DCLK1: variants seen among roughly 807,000 people sequenced by gnomAD.
DCLK1 encodes serine/threonine-protein kinase DCLK1.
A neutral mutation model predicts 86.2 loss-of-function variants in DCLK1; 16 were observed. That is an observed-to-expected ratio of 0.19 (90% CI 0.13 to 0.28). The LOEUF is 0.28. DCLK1 is among the 10% of genes least tolerant of loss of function. DCLK1 has a pLI of 1.00. For synonymous variants in DCLK1, 369 were observed against 370.5 expected, an observed-to-expected ratio of 1.00 and a Z score of 0.05; for missense variants, 590 against 940.2, an observed-to-expected ratio of 0.63 and a Z score of 4.87.
chr13:35,988,088 C>T (rs1455493192), intron 3 of DCLK1, among the ~76,000 whole-genome samples: 3 of 152,218 alleles, frequency 2.0e-5, no homozygotes, highest in African/African-American at 4.8e-5. Flanking sequence ...TTCCCCAGCA[C>T]CTCCCAGTCC....
At chr13:35,958,210 C>CCACCAT (rs1566620863) in intron 3 of DCLK1, among the ~76,000 whole-genome samples, 2 of 134,920 alleles carry the variant, frequency 1.5e-5, no homozygotes, top group African/African-American at 5.7e-5. Flanking sequence ...ACCATTATAA[C>CCACCAT]CATCACCACC....
At chr13:36,080,228 G>A (rs1441681590) in intron 3 of DCLK1, among the ~76,000 whole-genome samples, 1 of 152,170 alleles carries the variant, frequency 6.6e-6, no homozygotes, top group Non-Finnish European at 1.5e-5. Context: ...GGCCTAGCTT[G>A]TGCGGATAAC....
At chr13:35,943,764 C>T (rs1015834033) in intron 4 of DCLK1, among the ~76,000 whole-genome samples, 4 of 152,132 alleles carry the variant, frequency 2.6e-5, no homozygotes, top group African/African-American at 9.7e-5. Flanking sequence ...GATCCTTTCT[C>T]AACAAAACCC....
At chr13:36,003,199 A>G (rs1361928901) in intron 3 of DCLK1, among the ~76,000 whole-genome samples, 1 of 152,230 alleles carries the variant, frequency 6.6e-6, no homozygotes, top group East Asian at 1.9e-4. Context: ...CAGGCTCAGA[A>G]TGTTTCTGGG....
At chr13:35,996,132 T>C (rs181545806) in intron 3 of DCLK1, among the ~76,000 whole-genome samples, 2 of 152,304 alleles carry the variant, frequency 1.3e-5, no homozygotes, top group Admixed American at 1.3e-4. Flanking sequence ...CTTCACCATG[T>C]TGGTCATGCT....
intron 3 of DCLK1, among the ~76,000 whole-genome samples, chr13:36,048,979 T>C (rs1883030434): frequency 6.6e-6 from 1 of 152,178 alleles, no homozygotes; most frequent in African/African-American, 2.4e-5. Flanking sequence ...GTTTCACATG[T>C]AATTTCCTAC....
intron 3 of DCLK1, among the ~76,000 whole-genome samples, chr13:36,053,844 C>T (rs1883207377): frequency 6.6e-6 from 1 of 151,940 alleles, no homozygotes; most frequent in African/African-American, 2.4e-5. Context: ...AAGATGAGAT[C>T]TGGTGTTACC....
At position 35,918,892 on chromosome 13, in the gene DCLK1, G is replaced by GTTTTTTTTTTGTTTTT. The variant is rs1875604108; in HGVS notation, c.823+28465_823+28466insAAAAACAAAAAAAAAA. 5.2e-5 allele frequency among the ~76,000 whole-genome samples: 4 copies of GTTTTTTTTTTGTTTTT among 76,310 alleles called. 1 individual carries two copies. Among genetic ancestry groups the GTTTTTTTTTTGTTTTT allele is most frequent in the Non-Finnish European group, 9.8e-5 (4 of 40,718 alleles). The allele number at this position is 76,310 out of a possible 152,430, so 50.1% of individuals were successfully genotyped here. A position where few individuals can be genotyped will look rare whatever the true frequency, so the allele number is the denominator to read the frequency against. On this transcript the variant is annotated intron_variant, in intron 4 of 16. Coordinates refer to ENST00000360631, the MANE Select transcript of DCLK1 (RefSeq NM_001330071.2). ...AAAAAGAAATCTTCCTTCTGAGTGT[G>GTTTTTTTTTTGTTTTT]TTTTTTTTTTTTTTTTTGGAAACGG...
At chr13:35,838,995 T>C in intron 7 of DCLK1, 97 bp downstream of exon 7, 2 of 1,142,128 alleles carry the variant, frequency 1.8e-6, no homozygotes, top group Non-Finnish European at 2.5e-6. Flanking sequence ...TGCTCAGCCT[T>C]GTCCATGTCA....
At chr13:36,106,062 C>G (rs1885384525) in intron 3 of DCLK1, among the ~76,000 whole-genome samples, 1 of 152,188 alleles carries the variant, frequency 6.6e-6, no homozygotes, top group Admixed American at 6.5e-5. Flanking sequence ...CAGTGGAACA[C>G]TAAGAGAACT....
intron 3 of DCLK1, among the ~76,000 whole-genome samples, chr13:35,954,916 A>C (rs1410570954): frequency 6.6e-6 from 1 of 152,180 alleles, no homozygotes; most frequent in Non-Finnish European, 1.5e-5. Context: ...CTGATGCTTA[A>C]AGAAATAGAA....
intron 4 of DCLK1, among the ~76,000 whole-genome samples, chr13:35,894,716 G>C (rs181804586): frequency 3.9e-5 from 6 of 152,162 alleles, no homozygotes; most frequent in African/African-American, 1.4e-4. Flanking sequence ...TCCTTGTTGA[G>C]AGTCTTCTTC....
Position 36,131,378 on chromosome 13 carries a change from G to T in DCLK1, c.-284C>A. On this transcript the variant is annotated 5_prime_UTR_variant, in exon 1 of 17. Transcript: ENST00000360631. Reference sequence around the variant, plus strand: ...CAGCCTCTCTCTCCAGAGGAGGGCGGCGGCGGCGGCGGCGGCGGGCGCGCT... The same window carrying T: ...CAGCCTCTCTCTCCAGAGGAGGGCGTCGGCGGCGGCGGCGGCGGGCGCGCT... 1 of 194,092 alleles carries T rather than the reference G, an allele frequency of 5.2e-6. No homozygotes were observed. The highest frequency in any genetic ancestry group is 1.0e-5 in the Non-Finnish European group (1 of 97,932). 12.0% of individuals were successfully genotyped at this position (194,092 alleles called of 1,614,324 possible).
chr13:36,013,427 TGTTA>T (rs1307899129), intron 3 of DCLK1, among the ~76,000 whole-genome samples: 4 of 152,146 alleles, frequency 2.6e-5, no homozygotes, highest in Non-Finnish European at 5.9e-5. Flanking sequence ...CCTTTCTGTT[TGTTA>T]GTTTTCCTTC....
At chr13:35,864,798 G>A (rs922531632) in intron 5 of DCLK1, among the ~76,000 whole-genome samples, 2 of 151,730 alleles carry the variant, frequency 1.3e-5, no homozygotes, top group Non-Finnish European at 2.9e-5. Context: ...GACCACAGGT[G>A]TGCACCATTA....
intron 3 of DCLK1, among the ~76,000 whole-genome samples, chr13:36,014,840 CAT>C (rs577398731): frequency 3.9e-5 from 6 of 152,274 alleles, no homozygotes; most frequent in South Asian, 2.1e-4. Flanking sequence ...TCAAGTAAAT[CAT>C]ATGTTTTTGA....
At chr13:36,033,958 A>G (rs1442354856) in intron 3 of DCLK1, among the ~76,000 whole-genome samples, 1 of 152,190 alleles carries the variant, frequency 6.6e-6, no homozygotes, top group Non-Finnish European at 1.5e-5. Context: ...AATATGAAGT[A>G]TTTTGCACAC....
intron 16 of DCLK1, among the ~76,000 whole-genome samples, chr13:35,778,826 A>G (rs747009372): frequency 6.6e-6 from 1 of 152,172 alleles, no homozygotes; most frequent in Non-Finnish European, 1.5e-5. Flanking sequence ...CTTTCAGGCT[A>G]TGTAAAAGAA....
chr13:36,081,559 A>G (rs2138113065), intron 3 of DCLK1, among the ~76,000 whole-genome samples: 1 of 152,306 alleles, frequency 6.6e-6, no homozygotes, highest in South Asian at 2.1e-4. Flanking sequence ...GTGGCCTTAA[A>G]AAGCAGTTAT....
Sources: allele counts gnomAD v4.1 joint callset (sites outside exome capture counted in the v4.1 genomes callset), GRCh38; gene constraint gnomAD v4.1.1; transcripts MANE v1.5; gene names NCBI Gene and HGNC (gene_info 2026-07-23, HGNC 2026-07-21).